The following MTUS2 variants were observed in gnomAD, a reference collection of about 807,000 sequenced individuals.
MTUS2 encodes microtubule-associated tumor suppressor candidate 2.
A neutral mutation model predicts 114.1 loss-of-function variants in MTUS2; 40 were observed. The ratio of observed to expected loss-of-function variants is 0.35; its 90% CI spans 0.27 to 0.46. The LOEUF (loss-of-function observed/expected upper bound fraction) is 0.46, where lower values mean the gene tolerates loss of function less well. Ranked by LOEUF, MTUS2 falls within the 20% of genes least tolerant of loss-of-function variation. The pLI, the probability that MTUS2 is intolerant of heterozygous loss-of-function variation, is 1.00. For missense variants in MTUS2, 1,679 were observed against 1,705.4 expected (o/e 0.98, Z 0.27); for synonymous variants, 688 against 672.0 (o/e 1.02, Z -0.37).
At chr13:29,333,989 ATCAGAG>A (rs1900926612) in intron 7 of MTUS2, among the ~76,000 whole-genome samples, 1 of 152,142 alleles carries the variant, frequency 6.6e-6, no homozygotes, top group Admixed American at 6.5e-5. Flanking sequence ...AGTCTGTTTT[ATCAGAG>A]ACTAGGATTG....
chr13:28,825,960 G>A (rs1874240905), intron 1 of MTUS2, among the ~76,000 whole-genome samples: 1 of 152,090 alleles, frequency 6.6e-6, no homozygotes, highest in Non-Finnish European at 1.5e-5. Flanking sequence ...CTCTTACTTT[G>A]CAAGCTTCTC....
At chr13:29,380,701 G>A (rs1162722986) in intron 8 of MTUS2, among the ~76,000 whole-genome samples, 1 of 18,606 alleles carries the variant, frequency 5.4e-5, no homozygotes, top group African/African-American at 7.4e-5. Flanking sequence ...TGGATCATGA[G>A]GTCAGGAGAT....
At chr13:29,443,239 A>C (rs143195454) in intron 9 of MTUS2, among the ~76,000 whole-genome samples, 5,013 of 152,214 alleles carry the variant, frequency 0.033, 256 homozygotes, top group African/African-American at 0.11. Flanking sequence ...CCAAAGATAA[A>C]AGATGGAAAT....
chr13:29,319,865 A>G (rs55946643), intron 6 of MTUS2, among the ~76,000 whole-genome samples: 8,598 of 152,004 alleles, frequency 0.057, 782 homozygotes, highest in African/African-American at 0.2. Flanking sequence ...AAAAAAAAAT[A>G]AGGAAAAACT....
At chr13:28,923,583 C>A (rs541869207) in intron 2 of MTUS2, among the ~76,000 whole-genome samples, 2 of 152,280 alleles carry the variant, frequency 1.3e-5, no homozygotes, top group African/African-American at 2.4e-5. Context: ...CAGGCCAGGA[C>A]GCCTTGCCCC....
At chr13:29,283,821 C>T (rs562981379) in intron 6 of MTUS2, among the ~76,000 whole-genome samples, 5 of 152,272 alleles carry the variant, frequency 3.3e-5, no homozygotes, top group South Asian at 2.1e-4. Flanking sequence ...GGATAATAAT[C>T]GGCCTCACTG....
intron 5 of MTUS2, among the ~76,000 whole-genome samples, chr13:29,230,330 A>G (rs180812897): frequency 1.5e-4 from 23 of 152,380 alleles, no homozygotes; most frequent in Non-Finnish European, 2.5e-4. Flanking sequence ...CTAAAAATCA[A>G]GAGAGAAGAA....
chr13:29,250,912 G>A (rs1173688600), intron 5 of MTUS2, among the ~76,000 whole-genome samples: 2 of 152,152 alleles, frequency 1.3e-5, no homozygotes, highest in Non-Finnish European at 2.9e-5. Flanking sequence ...AGAGCAGACT[G>A]TCTATATTGA....
chr13:28,952,524 C>T (rs1167565975), intron 2 of MTUS2, among the ~76,000 whole-genome samples: 2 of 152,036 alleles, frequency 1.3e-5, no homozygotes, highest in Admixed American at 6.5e-5. Context: ...AGATTTTTTT[C>T]GTTTTCCCTT....
chr13:28,913,118 T>C (rs571007667), intron 2 of MTUS2, among the ~76,000 whole-genome samples: 1 of 152,192 alleles, frequency 6.6e-6, no homozygotes, highest in African/African-American at 2.4e-5. Flanking sequence ...TTATCTTGCC[T>C]GATTCCCCTG....
intron 4 of MTUS2, among the ~76,000 whole-genome samples, chr13:29,056,618 T>C (rs1888145406): frequency 6.6e-6 from 1 of 151,868 alleles, no homozygotes; most frequent in Non-Finnish European, 1.5e-5. Context: ...TTTTCTAGTT[T>C]GTAAGGGGTT....
At chr13:28,846,310 A>G (rs1229185050) in intron 2 of MTUS2, among the ~76,000 whole-genome samples, 3 of 152,168 alleles carry the variant, frequency 2.0e-5, no homozygotes, top group African/African-American at 7.2e-5. Context: ...TTTGGAGTTT[A>G]AAGGAATCGT....
intron 8 of MTUS2, among the ~76,000 whole-genome samples, chr13:29,385,339 G>C (rs371837809): frequency 2.0e-5 from 3 of 152,076 alleles, no homozygotes; most frequent in African/African-American, 7.2e-5. Context: ...CTGGGTGCTC[G>C]GTGTTTCACA....
intron 12 of MTUS2, among the ~76,000 whole-genome samples, chr13:29,493,454 T>G (rs1366820550): frequency 6.6e-6 from 1 of 152,150 alleles, no homozygotes; most frequent in Non-Finnish European, 1.5e-5. Context: ...GCAAAATTAT[T>G]TTTTAAATGT....
At chr13:28,851,193 A>G (rs1593245271) in intron 2 of MTUS2, among the ~76,000 whole-genome samples, 1 of 152,232 alleles carries the variant, frequency 6.6e-6, no homozygotes, top group Non-Finnish European at 1.5e-5. Context: ...AAGTAGAGAT[A>G]AGTGATAAAA....
chr13:29,491,945 G>GT (rs1490497279), intron 11 of MTUS2, among the ~76,000 whole-genome samples: 2 of 144,980 alleles, frequency 1.4e-5, no homozygotes, highest in African/African-American at 5.2e-5. Context: ...GTGTGTGTGT[G>GT]GCATGTAGTG....
intron 2 of MTUS2, among the ~76,000 whole-genome samples, chr13:28,970,046 C>T (rs773611388): frequency 1.4e-4 from 21 of 152,144 alleles, no homozygotes; most frequent in Non-Finnish European, 2.1e-4. Flanking sequence ...TCCCAAAGTG[C>T]GGGGATTACA....
At chr13:29,301,109 C>A (rs1899185133) in intron 6 of MTUS2, among the ~76,000 whole-genome samples, 2 of 152,234 alleles carry the variant, frequency 1.3e-5, no homozygotes, top group South Asian at 4.1e-4. Context: ...TCAATAGTCA[C>A]CCAACCAGCC....
chr13:28,989,264 C>T lies in MTUS2; in HGVS notation c.-242-35193C>T, dbSNP rs115734476. 6.5e-3 allele frequency among the ~76,000 whole-genome samples: 983 copies of T among 152,248 alleles called. 10 individuals are homozygous for T. Among genetic ancestry groups the T allele is most frequent in the African/African-American group, 0.023 (939 of 41,522 alleles). On this transcript the variant is annotated intron_variant, in intron 2 of 15. Coordinates refer to ENST00000612955, the MANE Select transcript of MTUS2 (RefSeq NM_001033602.4). ...GAAAATGGTTGCTTAGTAATTTGGG[C>T]ATTTGCAGATGAATTCTCATCTTAC...
Sources: gnomAD v4.1 joint callset for allele counts (sites outside exome capture counted in the v4.1 genomes callset) on GRCh38, gnomAD v4.1.1 for gene constraint, MANE v1.5 for transcripts, NCBI Gene and HGNC (gene_info 2026-07-23, HGNC 2026-07-21) for gene names.